SLC20A2: variants seen among roughly 807,000 people sequenced by gnomAD.
SLC20A2 encodes solute carrier family 20 member 2, also known as sodium-dependent phosphate transporter 2.
SLC20A2 carries 30 observed loss-of-function variants against 61.0 expected under a neutral mutation model. That is an observed-to-expected ratio of 0.49 (90% CI 0.37 to 0.67). The LOEUF (loss-of-function observed/expected upper bound fraction) is 0.67. SLC20A2 is among the 30% of genes least tolerant of loss of function. SLC20A2 has a pLI of 0.00. For synonymous variants in SLC20A2, 351 were observed against 353.3 expected (o/e 0.99, Z 0.07); for missense variants, 626 against 866.4 (o/e 0.72, Z 3.48).
chr8:42,453,803 T>C (rs922473525), intron 5 of SLC20A2, among the ~76,000 whole-genome samples: 4 of 152,156 alleles, frequency 2.6e-5, no homozygotes, highest in Non-Finnish European at 4.4e-5. Context: ...AATTTTTCCA[T>C]ACAAAGATGT....
At chr8:42,525,257 C>T (rs1338647619) in intron 1 of SLC20A2, among the ~76,000 whole-genome samples, 1 of 152,118 alleles carries the variant, frequency 6.6e-6, no homozygotes, top group Non-Finnish European at 1.5e-5. Flanking sequence ...CTGAAATCTG[C>T]TTACGTATTA....
chr8:42,476,778 TG>T (rs1457474332), intron 1 of SLC20A2, among the ~76,000 whole-genome samples: 2 of 152,146 alleles, frequency 1.3e-5, no homozygotes, highest in African/African-American at 4.8e-5. Flanking sequence ...GAAAAAGGCT[TG>T]CCACCTTCTT....
At chr8:42,479,639 A>C (rs1027633441) in intron 1 of SLC20A2, among the ~76,000 whole-genome samples, 1 of 152,144 alleles carries the variant, frequency 6.6e-6, no homozygotes, top group South Asian at 2.1e-4. Context: ...CAGACTGGCC[A>C]ACATAGCAAA....
At chr8:42,508,119 G>A (rs1335186314) in intron 1 of SLC20A2, among the ~76,000 whole-genome samples, 8 of 151,992 alleles carry the variant, frequency 5.3e-5, no homozygotes, top group Admixed American at 2.0e-4. Context: ...AGCCAAGATC[G>A]TGCCACTGCA....
intron 5 of SLC20A2, among the ~76,000 whole-genome samples, chr8:42,455,237 A>T (rs1169929256): frequency 0.034 from 3,396 of 100,566 alleles, 126 homozygotes; most frequent in African/African-American, 0.088. Context: ...AAAAAAAAAA[A>T]AAAAATATAT....
At position 42,417,335 on chromosome 8, in the gene SLC20A2, C is replaced by T. The variant is rs1349838579; in HGVS notation, c.*468G>A. The T allele has an allele frequency of 2.5e-5, 4 of 159,110 alleles. No individual in the cohort carries two copies. Among genetic ancestry groups the T allele is most frequent in the African/African-American group, 7.2e-5 (3 of 41,590 alleles). 9.9% of individuals were successfully genotyped at this position (159,110 alleles called of 1,614,324 possible). On this transcript the variant is annotated 3_prime_UTR_variant, in exon 11 of 11. Coordinates refer to ENST00000520262, the MANE Select transcript of SLC20A2 (RefSeq NM_001257180.2). ...GCCTGTTCTGAAGCTCATTACCTTA[C>T]AGTATATTAGAAGGCAAAAACATCA...
intron 1 of SLC20A2, among the ~76,000 whole-genome samples, chr8:42,512,512 A>T (rs1811089864): frequency 6.6e-6 from 1 of 151,948 alleles, no homozygotes; most frequent in Non-Finnish European, 1.5e-5. Context: ...TATCACACCC[A>T]GCTAATATTT....
chr8:42,462,331 A>G (rs1331955515), intron 4 of SLC20A2, among the ~76,000 whole-genome samples: 1 of 152,188 alleles, frequency 6.6e-6, no homozygotes, highest in African/African-American at 2.4e-5. Flanking sequence ...AGGCTGCAAG[A>G]AAAGGGCTGC....
intron 1 of SLC20A2, among the ~76,000 whole-genome samples, chr8:42,508,064 G>A (rs981689369): frequency 1.3e-5 from 2 of 152,174 alleles, no homozygotes; most frequent in Non-Finnish European, 2.9e-5. Context: ...TCAGGAGACT[G>A]AGGCAGGAGA....
In SLC20A2 at chr8:42,447,552, C is replaced by T. The variant is rs535560523; in HGVS notation, c.614-2790G>A. Among the ~76,000 whole-genome samples the T allele has an allele frequency of 4.5e-4, 68 of 151,964 alleles. 1 individual carries two copies. In the East Asian group the frequency reaches 0.013, roughly 28 times the overall value. On this transcript the variant is annotated intron_variant, in intron 5 of 10. Transcript: ENST00000520262. The stretch of plus-strand genomic sequence containing the variant: ...AATTAGCCAGGCGTGGTGGTGGGCA[C>T]CTGTAGTCCCAGCTACTCCGGAGGC...
At chr8:42,474,199 T>C (rs1175446154) in intron 1 of SLC20A2, among the ~76,000 whole-genome samples, 1 of 151,874 alleles carries the variant, frequency 6.6e-6, no homozygotes, top group African/African-American at 2.4e-5. Context: ...TAATAATGCA[T>C]AAAAATACCC....
chr8:42,532,459 T>C (rs1812396285), intron 1 of SLC20A2, among the ~76,000 whole-genome samples: 1 of 152,196 alleles, frequency 6.6e-6, no homozygotes, highest in Non-Finnish European at 1.5e-5. Context: ...CGTATGACTG[T>C]TTTGACTGTC....
chr8:42,523,246 C>T (rs1811704349), intron 1 of SLC20A2, among the ~76,000 whole-genome samples: 1 of 152,134 alleles, frequency 6.6e-6, no homozygotes. Flanking sequence ...AGGAGAATCG[C>T]TTGAACCTGG....
At chr8:42,531,296 G>A (rs1292454724) in intron 1 of SLC20A2, among the ~76,000 whole-genome samples, 2 of 152,070 alleles carry the variant, frequency 1.3e-5, no homozygotes, top group African/African-American at 4.8e-5. Flanking sequence ...ACCATTAATG[G>A]ACTCTTAGCC....
chr8:42,426,488 G>A (rs958618490), intron 10 of SLC20A2, among the ~76,000 whole-genome samples: 4 of 152,228 alleles, frequency 2.6e-5, no homozygotes, highest in Admixed American at 1.3e-4. Context: ...CTGAGGTCAG[G>A]AGTTCGAGAC....
chr8:42,528,709 C>T (rs185592189), intron 1 of SLC20A2, among the ~76,000 whole-genome samples: 162 of 151,914 alleles, frequency 1.1e-3, no homozygotes, highest in East Asian at 3.1e-3. Context: ...GCTCATTGCC[C>T]AGGCTGGAGT....
intron 5 of SLC20A2, among the ~76,000 whole-genome samples, chr8:42,456,255 A>C (rs1806190366): frequency 6.6e-6 from 1 of 152,216 alleles, no homozygotes; most frequent in Admixed American, 6.5e-5. Flanking sequence ...AGAAAAAATA[A>C]AATGCAGAAA....
intron 10 of SLC20A2, among the ~76,000 whole-genome samples, chr8:42,426,713 CAAAACA>C (rs1291067587): frequency 6.6e-6 from 1 of 151,896 alleles, no homozygotes; most frequent in East Asian, 1.9e-4. Context: ...CAAAACAAAA[CAAAACA>C]AAACAAAAAA....
intron 8 of SLC20A2, 52 bp downstream of exon 8, chr8:42,436,937 C>T: frequency 6.7e-7 from 1 of 1,501,932 alleles, no homozygotes; most frequent in Non-Finnish European, 9.0e-7. Context: ...CAGCGCTGGC[C>T]CCTGGCGGAG....
Sources: gnomAD v4.1 joint callset for allele counts (sites outside exome capture counted in the v4.1 genomes callset) on GRCh38, gnomAD v4.1.1 for gene constraint, MANE v1.5 for transcripts, NCBI Gene and HGNC (gene_info 2026-07-23, HGNC 2026-07-21) for gene names.